NEK11: variants seen among roughly 807,000 people sequenced by gnomAD.
NEK11 encodes NIMA related kinase 11.
A neutral mutation model predicts 80.7 loss-of-function variants in NEK11; 72 were observed. The ratio of observed to expected loss-of-function variants is 0.89; its 90% CI spans 0.74 to 1.08. NEK11 has a LOEUF of 1.08. Ranked by LOEUF, NEK11 falls within the 50% of genes least tolerant of loss-of-function variation. NEK11 has a pLI of 0.00. For synonymous variants in NEK11, 251 were observed against 260.7 expected (o/e 0.96, Z 0.36); for missense variants, 764 against 763.6 (o/e 1.00, Z -0.01).
intron 17 of NEK11, among the ~76,000 whole-genome samples, chr3:131,306,484 G>T (rs2096724754): frequency 6.6e-6 from 1 of 152,168 alleles, no homozygotes. Flanking sequence ...TGGCTAAAGT[G>T]GGCTATAGTT....
rs1432894581 is a variant in NEK11, at chr3:131,146,963, T to C, written c.648-5425T>C. ...GTCTGATGAATATTTGAATTGCAAATATCTTACACTATGTGTCTTCCTTTT... is the reference window on the plus strand; with the variant it reads ...GTCTGATGAATATTTGAATTGCAAACATCTTACACTATGTGTCTTCCTTTT... On this transcript the variant is annotated intron_variant, in intron 7 of 17. Coordinates refer to ENST00000383366, the MANE Select transcript of NEK11 (RefSeq NM_024800.5). Among the ~76,000 whole-genome samples, 3 of 152,118 alleles carry C rather than the reference T, an allele frequency of 2.0e-5. No individual in the cohort carries two copies. In the East Asian group the frequency reaches 5.8e-4, roughly 29 times the overall value.
At chr3:131,079,497 T>C (rs369677845) in intron 3 of NEK11, among the ~76,000 whole-genome samples, 34 of 152,362 alleles carry the variant, frequency 2.2e-4, no homozygotes, top group African/African-American at 7.9e-4. Flanking sequence ...TGCTTGCTTA[T>C]AATCATCAGA....
chr3:131,173,569 C>G (rs903341392), intron 14 of NEK11, among the ~76,000 whole-genome samples: 2 of 150,132 alleles, frequency 1.3e-5, no homozygotes, highest in African/African-American at 2.5e-5. Context: ...TAGTATACCA[C>G]CCTTTCCATT....
rs558957505 is a variant in NEK11 at position 131,153,890 on chromosome 3, G to A, written c.877-1146G>A. Among the ~76,000 whole-genome samples the A allele has an allele frequency of 9.9e-5, 15 of 152,272 alleles. No individual in the cohort carries two copies. The South Asian group carries it at 2.9e-3, about 29-fold the overall frequency. On this transcript the variant is annotated intron_variant, in intron 9 of 17. Coordinates refer to ENST00000383366, the MANE Select transcript of NEK11 (RefSeq NM_024800.5). ...ACAAACAGGATACTGTAAAAATAAG[G>A]GAGAAAGGAAGGGCTTTGGCGGTCA...
At chr3:131,057,450 G>A (rs1685162179) in intron 3 of NEK11, among the ~76,000 whole-genome samples, 1 of 151,438 alleles carries the variant, frequency 6.6e-6, no homozygotes, top group South Asian at 2.1e-4. Context: ...CTAGATCCCT[G>A]AGGAATCGCC....
chr3:131,255,280 T>C (rs551194543), intron 16 of NEK11, among the ~76,000 whole-genome samples: 1 of 152,292 alleles, frequency 6.6e-6, no homozygotes, highest in African/African-American at 2.4e-5. Context: ...TCTGTCTTTC[T>C]TACTGAGCAA....
intron 14 of NEK11, among the ~76,000 whole-genome samples, chr3:131,219,913 C>T (rs1397195548): frequency 6.6e-6 from 1 of 152,174 alleles, no homozygotes; most frequent in Admixed American, 6.5e-5. Context: ...CAAATGAGAA[C>T]ACCGTGACCC....
intron 7 of NEK11, among the ~76,000 whole-genome samples, chr3:131,147,446 C>A (rs1474538145): frequency 6.6e-6 from 1 of 151,886 alleles, no homozygotes; most frequent in Non-Finnish European, 1.5e-5. Context: ...TTTGCCAATA[C>A]CACACTTTCA....
At chr3:131,055,984 A>G (rs956627600) in intron 3 of NEK11, among the ~76,000 whole-genome samples, 1 of 152,204 alleles carries the variant, frequency 6.6e-6, no homozygotes, top group African/African-American at 2.4e-5. Context: ...TGTCTGGGCA[A>G]TAGTGCAAAG....
intron 3 of NEK11, among the ~76,000 whole-genome samples, chr3:131,049,883 A>T (rs908639586): frequency 4.6e-5 from 7 of 152,166 alleles, no homozygotes; most frequent in African/African-American, 9.7e-5. Flanking sequence ...AAAACAATTT[A>T]AAAAAAGTTG....
At chr3:131,078,492 T>A (rs1485387345) in intron 3 of NEK11, among the ~76,000 whole-genome samples, 1 of 152,182 alleles carries the variant, frequency 6.6e-6, no homozygotes, top group Non-Finnish European at 1.5e-5. Context: ...AGTCTCTCAC[T>A]GAGAAATGGG....
At chr3:131,279,861 T>A (rs1370979567) in intron 17 of NEK11, among the ~76,000 whole-genome samples, 2 of 152,164 alleles carry the variant, frequency 1.3e-5, no homozygotes, top group African/African-American at 4.8e-5. Context: ...GGCACCTCAC[T>A]AGCAGCGGTC....
Position 131,350,051 on chromosome 3 carries a change from G to A in NEK11, c.*275G>A. ...GCATTTCTCTCATGTGCGCCCTCAGGGCTTCCAGCAGGATTGAGTCACCCT... is the reference window on the plus strand; with the variant it reads ...GCATTTCTCTCATGTGCGCCCTCAGAGCTTCCAGCAGGATTGAGTCACCCT... On this transcript the variant is annotated 3_prime_UTR_variant, in exon 18 of 18. Coordinates refer to ENST00000383366, the MANE Select transcript of NEK11 (RefSeq NM_024800.5). 5.3e-6 allele frequency: 2 copies of A among 374,016 alleles called. No homozygotes were observed. The highest frequency in any genetic ancestry group is 5.8e-5 in the South Asian group (2 of 34,196). The allele number at this position is 374,016 out of a possible 1,614,324, so 23.2% of individuals were successfully genotyped here. A position where few individuals can be genotyped will look rare whatever the true frequency, so the allele number is the denominator to read the frequency against.
intron 5 of NEK11, among the ~76,000 whole-genome samples, chr3:131,115,902 T>TTTTCTCTC (rs2080946277): frequency 4.3e-5 from 3 of 70,170 alleles, no homozygotes; most frequent in Non-Finnish European, 5.8e-5. Flanking sequence ...AAAGGTAGTG[T>TTTTCTCTC]TTTCTTTCTT....
intron 14 of NEK11, among the ~76,000 whole-genome samples, chr3:131,192,677 C>T (rs2093845195): frequency 6.6e-6 from 1 of 152,104 alleles, no homozygotes; most frequent in Non-Finnish European, 1.5e-5. Flanking sequence ...TGCAATAAGC[C>T]AGACACAAGG....
intron 14 of NEK11, among the ~76,000 whole-genome samples, chr3:131,203,765 GTGTATATATA>G (rs2094344571): frequency 4.8e-5 from 5 of 104,278 alleles, no homozygotes; most frequent in African/African-American, 8.4e-5. Flanking sequence ...GTGTGTGTGT[GTGTATATATA>G]TATATATATA....
intron 5 of NEK11, among the ~76,000 whole-genome samples, chr3:131,130,463 CA>C (rs2084227424): frequency 6.6e-6 from 1 of 152,038 alleles, no homozygotes. Context: ...GTAGGACTTT[CA>C]GTATAATGTT....
chr3:131,181,788 G>A (rs963239252), intron 14 of NEK11, among the ~76,000 whole-genome samples: 6 of 147,144 alleles, frequency 4.1e-5, no homozygotes, highest in African/African-American at 1.5e-4. Flanking sequence ...TTTGTGTTAT[G>A]TTAAATCACA....
At chr3:131,262,802 A>G (rs915540199) in intron 16 of NEK11, among the ~76,000 whole-genome samples, 14 of 152,014 alleles carry the variant, frequency 9.2e-5, no homozygotes, top group South Asian at 8.3e-4. Context: ...TCCTAATGCT[A>G]TCCCTCTACT....
Sources: allele counts gnomAD v4.1 joint callset (sites outside exome capture counted in the v4.1 genomes callset), GRCh38; gene constraint gnomAD v4.1.1; transcripts MANE v1.5; gene names NCBI Gene and HGNC (gene_info 2026-07-23, HGNC 2026-07-21).